The following MRPS35 variants were observed in gnomAD, a reference collection of about 807,000 sequenced individuals.
MRPS35 encodes small ribosomal subunit protein mS35.
MRPS35 carries 29 observed loss-of-function variants against 32.7 expected under a neutral mutation model. The ratio of observed to expected loss-of-function variants is 0.89; its 90% CI spans 0.66 to 1.21. The LOEUF (loss-of-function observed/expected upper bound fraction) is 1.21. Among genes scored for constraint, MRPS35 ranks in the 50% most tolerant of loss-of-function variants. The pLI, the probability that MRPS35 is intolerant of heterozygous loss-of-function variation, is 0.00. For synonymous variants in MRPS35, 148 were observed against 139.3 expected (o/e 1.06, Z -0.44); for missense variants, 373 against 383.8 (o/e 0.97, Z 0.23).
At chr12:27,726,258 A>G (rs1203833286) in intron 5 of MRPS35, among the ~76,000 whole-genome samples, 1 of 152,140 alleles carries the variant, frequency 6.6e-6, no homozygotes, top group Non-Finnish European at 1.5e-5. Context: ...AAATGGAACC[A>G]TGCAATATGT....
Position 27,755,550 on chromosome 12 carries a change from T to G in MRPS35, c.*100T>G. On this transcript the variant is annotated 3_prime_UTR_variant, in exon 8 of 8. Transcript: ENST00000081029. ...TTGAAAATGTTAAAAAATCATTTTT[T>G]TTCCTCAGAGTTAAAATTATTTCCC... 8.4e-7 allele frequency: 1 copy of G among 1,189,464 alleles called. No individual in the cohort carries two copies. The highest frequency in any genetic ancestry group is 2.8e-5 in the Admixed American group (1 of 35,814). The allele number at this position is 1,189,464 out of a possible 1,614,324, so 73.7% of individuals were successfully genotyped here.
intron 6 of MRPS35, among the ~76,000 whole-genome samples, chr12:27,737,212 T>C (rs534914288): frequency 6.6e-6 from 1 of 152,366 alleles, no homozygotes; most frequent in Non-Finnish European, 1.5e-5. Flanking sequence ...TCATGCTATC[T>C]GGCAGATTCT....
intron 6 of MRPS35, among the ~76,000 whole-genome samples, chr12:27,736,760 A>G (rs2061944655): frequency 6.6e-6 from 1 of 152,212 alleles, no homozygotes; most frequent in Admixed American, 6.5e-5. Flanking sequence ...TATTAGTTCC[A>G]TTTTAAATAC....
rs370242713 is a variant in MRPS35, at chr12:27,724,154, C to T, written c.490C>T (p.Arg164Trp). The change falls in exon 5 of 8, where the codon CGG becomes TGG. Residue 164 changes from arginine (R) to tryptophan (W), a missense_variant. Physicochemically the swap from Arg to Trp is moderately radical, Grantham distance 101. Coordinates refer to ENST00000081029, the MANE Select transcript of MRPS35 (RefSeq NM_021821.4). Reference sequence around the variant, plus strand: ...TTATGTTTCATCAGGACCATCTGTTCGGAACCCCAGAGCACGAGTAGTAGT... The same window carrying T: ...TTATGTTTCATCAGGACCATCTGTTTGGAACCCCAGAGCACGAGTAGTAGT... ...TDYVSSGPSV[R>W]NPRARVVVLR... 138 of 1,603,138 alleles carry T rather than the reference C, an allele frequency of 8.6e-5. No individual in the cohort carries two copies. Among genetic ancestry groups the T allele is most frequent in the South Asian group, 3.7e-4 (33 of 88,890 alleles).
intron 7 of MRPS35, among the ~76,000 whole-genome samples, chr12:27,751,119 A>G (rs1565472337): frequency 1.3e-5 from 2 of 150,674 alleles, no homozygotes; most frequent in African/African-American, 4.9e-5. Flanking sequence ...AAAAAAAAAA[A>G]AAAAAAAGAA....
chr12:27,726,170 C>T (rs1410031523), intron 5 of MRPS35, among the ~76,000 whole-genome samples: 2 of 151,942 alleles, frequency 1.3e-5, no homozygotes, highest in African/African-American at 4.8e-5. Context: ...AGAATTCCCC[C>T]CTTAACCATC....
At position 27,710,911 on chromosome 12, in the gene MRPS35, C is replaced by T. The variant is rs1239250735; in HGVS notation, c.68C>T (p.Ser23Phe). ...QSRARTLRAF[S>F]TAVYSATPVP... The stretch of plus-strand genomic sequence containing the variant: ...AGGGCAAGGACTCTGCGTGCATTCT[C>T]CACTGCCGTCTACTCGGCCACTCCG... Residue 23 changes from serine (S) to phenylalanine (F), a missense_variant, in exon 1 of 8, where the codon TCC becomes TTC. Transcript: ENST00000081029. The T allele has an allele frequency of 6.2e-7, 1 of 1,613,246 alleles. No individual in the cohort carries two copies. Among genetic ancestry groups the T allele is most frequent in the East Asian group, 2.2e-5 (1 of 44,872 alleles).
At chr12:27,715,460 G>A (rs1040824631) in intron 2 of MRPS35, among the ~76,000 whole-genome samples, 1 of 152,102 alleles carries the variant, frequency 6.6e-6, no homozygotes, top group Non-Finnish European at 1.5e-5. Flanking sequence ...CATGAGCCAC[G>A]GCACCTGGCC....
intron 5 of MRPS35, among the ~76,000 whole-genome samples, chr12:27,728,140 G>A (rs774464622): frequency 1.8e-4 from 28 of 151,984 alleles, no homozygotes; most frequent in Non-Finnish European, 3.4e-4. Flanking sequence ...TCATTCTTTT[G>A]CATTCCGTTT....
intron 5 of MRPS35, among the ~76,000 whole-genome samples, chr12:27,733,976 C>T (rs1286927708): frequency 2.0e-5 from 3 of 152,036 alleles, no homozygotes; most frequent in Non-Finnish European, 2.9e-5. Context: ...TTGCCAAGAA[C>T]GAGATAGCAT....
At chr12:27,726,892 T>C (rs2061902847) in intron 5 of MRPS35, among the ~76,000 whole-genome samples, 1 of 151,954 alleles carries the variant, frequency 6.6e-6, no homozygotes, top group Non-Finnish European at 1.5e-5. Flanking sequence ...CAGTCCCTTC[T>C]CAGATATATG....
intron 6 of MRPS35, 135 bp from the exon 7 acceptor site, chr12:27,737,403 CA>C: frequency 1.5e-6 from 1 of 666,338 alleles, no homozygotes; most frequent in South Asian, 1.7e-5. Flanking sequence ...ATTTTTATTC[CA>C]AAAACAGTTT....
intron 7 of MRPS35, among the ~76,000 whole-genome samples, chr12:27,752,263 A>T (rs2062007567): frequency 6.6e-6 from 1 of 152,070 alleles, no homozygotes; most frequent in Non-Finnish European, 1.5e-5. Flanking sequence ...CCAGTATTCG[A>T]GGCTCACCTG....
intron 7 of MRPS35, among the ~76,000 whole-genome samples, chr12:27,739,166 G>A (rs1199093336): frequency 2.0e-5 from 3 of 152,206 alleles, no homozygotes; most frequent in Non-Finnish European, 2.9e-5. Flanking sequence ...CCGAAGTGCT[G>A]GGATTACAGT....
intron 5 of MRPS35, among the ~76,000 whole-genome samples, chr12:27,727,259 G>A: frequency 6.6e-6 from 1 of 152,046 alleles, no homozygotes; most frequent in East Asian, 1.9e-4. Context: ...TTTAAGCACA[G>A]AAGTTTTAAT....
At chr12:27,735,657 AG>A in intron 6 of MRPS35, 101 bp downstream of exon 6, 1 of 824,530 alleles carries the variant, frequency 1.2e-6, no homozygotes, top group South Asian at 1.6e-5. Flanking sequence ...AAGATGGGGG[AG>A]GGCGTAGCCT....
intron 1 of MRPS35, 22 bp from the exon 2 acceptor site, chr12:27,714,758 C>T: frequency 6.3e-7 from 1 of 1,587,068 alleles, no homozygotes; most frequent in East Asian, 2.2e-5. Flanking sequence ...TCTTTAACTA[C>T]TGTGTTATCT....
At chr12:27,726,567 C>A (rs2061901452) in intron 5 of MRPS35, among the ~76,000 whole-genome samples, 1 of 152,124 alleles carries the variant, frequency 6.6e-6, no homozygotes, top group African/African-American at 2.4e-5. Context: ...AACTGCCAAA[C>A]TGTTTTTGAA....
chr12:27,751,489 T>C (rs1257158710), intron 7 of MRPS35, among the ~76,000 whole-genome samples: 1 of 152,156 alleles, frequency 6.6e-6, no homozygotes, highest in Non-Finnish European at 1.5e-5. Flanking sequence ...AGCTCTCTTA[T>C]GAACAGCTTT....
Sources: gnomAD v4.1 joint callset for allele counts (sites outside exome capture counted in the v4.1 genomes callset) on GRCh38, gnomAD v4.1.1 for gene constraint, MANE v1.5 for transcripts, NCBI Gene and HGNC (gene_info 2026-07-23, HGNC 2026-07-21) for gene names.